The following NBR1 variants were observed in gnomAD, a reference collection of about 807,000 sequenced individuals.
NBR1 encodes the protein NBR1 autophagy cargo receptor, also known as next to BRCA1 gene 1 protein.
Under a neutral mutation model 115.5 loss-of-function variants are expected in NBR1, and 59 were observed. The observed-to-expected ratio is 0.51, with a 90% CI of 0.41 to 0.63. The LOEUF is 0.63. NBR1 is among the 30% of genes least tolerant of loss of function. The pLI, the probability that NBR1 is intolerant of heterozygous loss-of-function variation, is 0.00. For missense variants in NBR1, 1,043 were observed against 1,150.5 expected (o/e 0.91, Z 1.35); for synonymous variants, 373 against 414.7 (o/e 0.90, Z 1.22).
At chr17:43,204,698 C>A (rs2057278181) in intron 20 of NBR1, among the ~76,000 whole-genome samples, 1 of 151,328 alleles carries the variant, frequency 6.6e-6, no homozygotes, top group Non-Finnish European at 1.5e-5. Flanking sequence ...ACCTGTAGTC[C>A]CAGCTACTCG....
intron 3 of NBR1, among the ~76,000 whole-genome samples, chr17:43,179,059 C>T (rs191510165): frequency 2.0e-5 from 3 of 152,228 alleles, no homozygotes; most frequent in East Asian, 1.9e-4. Context: ...CTATTTTACT[C>T]ATGAGGAAAC....
intron 18 of NBR1, among the ~76,000 whole-genome samples, chr17:43,202,178 T>TG (rs1186318927): frequency 1.1e-4 from 3 of 27,620 alleles, no homozygotes; most frequent in East Asian, 2.1e-3. Flanking sequence ...AGACTCCGTC[T>TG]GAAAAAAAAA....
intron 6 of NBR1, among the ~76,000 whole-genome samples, chr17:43,188,479 C>T (rs1384390367): frequency 1.3e-5 from 2 of 152,176 alleles, no homozygotes; most frequent in Non-Finnish European, 2.9e-5. Context: ...ATCCCATTGT[C>T]AATTTTGGCT....
chr17:43,170,677 GA>G, upstream of NBR1: 1 of 152,400 alleles, frequency 6.6e-6, no homozygotes, highest in Non-Finnish European at 1.5e-5. Context: ...ATTGCGGAAC[GA>G]AAGGCCTTGG....
chr17:43,171,393 G>A (rs1194574844), intron 1 of NBR1, 91 bp downstream of exon 1: 4 of 152,508 alleles, frequency 2.6e-5, no homozygotes, highest in Non-Finnish European at 4.4e-5. Context: ...GCAAAGAAGA[G>A]GGGCGACTTT....
chr17:43,200,226 G>C lies in NBR1; in HGVS notation c.2086G>C (p.Ala696Pro). Residue 696 changes from alanine to proline, a missense_variant, in exon 17 of 21, where the codon GCT becomes CCT. By Grantham distance (27) the Ala-to-Pro change is conservative. Transcript: ENST00000590996. ...TGAGAAGGAGGAGATTATCCATATC[G>C]CTGAGGAAGAAGCTGTCATGGAGGA... ...GNEKEEIIHIAEEEAVMEEEE... is the reference protein window; with the variant it reads ...GNEKEEIIHIPEEEAVMEEEE... 6.4e-7 allele frequency: 1 copy of C among 1,551,820 alleles called. No individual in the cohort carries two copies. Among genetic ancestry groups the C allele is most frequent in the Non-Finnish European group, 8.7e-7 (1 of 1,147,002 alleles).
intron 14 of NBR1, 65 bp downstream of exon 14, chr17:43,195,104 A>G: frequency 4.8e-6 from 6 of 1,243,308 alleles, no homozygotes; most frequent in Non-Finnish European, 5.9e-6. Context: ...CACAGCCTAG[A>G]CACTGGTAGT....
chr17:43,209,080 TG>T (rs1210566680), intron 20 of NBR1, among the ~76,000 whole-genome samples: 1 of 151,636 alleles, frequency 6.6e-6, no homozygotes, highest in Non-Finnish European at 1.5e-5. Context: ...TACCTATTCT[TG>T]TTTTTTTTTT....
Position 43,193,613 on chromosome 17 carries a change from C to T in NBR1, c.1499C>T (p.Thr500Ile). ...IEKGMISSSK[T>I]DDLTCQQEET... is the part of the protein sequence containing the mutation. ...AAGGGCATGATCAGCTCAAGCAAAA[C>T]TGATGATCTCACCTGCCAGCAAGAG... The change falls in exon 12 of 21, where the codon ACT becomes ATT. Residue 500 changes from threonine to isoleucine, a missense_variant. Physicochemically the swap from Thr to Ile is moderately conservative, Grantham distance 89 (BLOSUM62 -1). Coordinates refer to ENST00000590996, the MANE Select transcript of NBR1 (RefSeq NM_005899.5). 1 of 1,610,044 alleles carries T rather than the reference C, an allele frequency of 6.2e-7. No individual in the cohort carries two copies. Among genetic ancestry groups the T allele is most frequent in the South Asian group, 1.1e-5 (1 of 90,166 alleles).
rs1209863786 is a variant in NBR1, at chr17:43,190,610, C to T, written c.697C>T (p.Leu233=). 1.9e-6 allele frequency: 3 copies of T among 1,575,484 alleles called. No homozygotes were observed. The highest frequency in any genetic ancestry group is 2.3e-5 in the South Asian group (2 of 86,438). Residue 233 remains leucine, a splice_region_variant and synonymous_variant, in exon 9 of 21, where the codon CTA becomes TTA. Coordinates refer to ENST00000590996, the MANE Select transcript of NBR1 (RefSeq NM_005899.5). ...RIVGVRYQCS[L]CPSYNICEDC... ...TATTGTGCCATTCTTTCCCCACAGC[C>T]TATGCCCATCCTACAATATCTGTGA...
intron 16 of NBR1, among the ~76,000 whole-genome samples, chr17:43,199,085 T>G (rs1198014857): frequency 1.4e-5 from 2 of 138,218 alleles, no homozygotes; most frequent in Admixed American, 1.5e-4. Context: ...GATTTATGGG[T>G]AATTTTTTTT....
At chr17:43,196,722 A>G in intron 15 of NBR1, 131 bp downstream of exon 15, 1 of 860,132 alleles carries the variant, frequency 1.2e-6, no homozygotes, top group Non-Finnish European at 1.8e-6. Flanking sequence ...TCATGTTTTG[A>G]AGTCTCCTCA....
At chr17:43,172,132 T>G (rs888713296) in intron 1 of NBR1, among the ~76,000 whole-genome samples, 35 of 152,188 alleles carry the variant, frequency 2.3e-4, no homozygotes, top group African/African-American at 8.4e-4. Flanking sequence ...CTTACAATAA[T>G]GCCAGTTATG....
Position 43,189,630 on chromosome 17 carries a change from C to G in NBR1, c.523C>G (p.Gln175Glu), listed in dbSNP as rs767914051. The G allele has an allele frequency of 5.0e-6, 8 of 1,613,818 alleles. 1 individual carries two copies. In the South Asian group the frequency reaches 8.8e-5, roughly 18 times the overall value. ...TAACGAAACGGTTGAGAAGCTTGAA[C>G]AGAAATTACATGAAAAGCTTGTCCT... ...VVNETVEKLE[Q>E]KLHEKLVLQN... The change falls in exon 8 of 21, where the codon CAG (glutamine) becomes GAG (glutamate). Residue 175 changes from glutamine (Q) to glutamate (E), a missense_variant. Physicochemically the swap from Gln to Glu is conservative, Grantham distance 29. Coordinates refer to ENST00000590996, the MANE Select transcript of NBR1 (RefSeq NM_005899.5).
At chr17:43,170,935 T>A (rs971457177), upstream of NBR1, 1 of 152,230 alleles carries the variant, frequency 6.6e-6, no homozygotes, top group Non-Finnish European at 1.5e-5. Context: ...GGGCAAGTAG[T>A]CCTCTAAGGT....
chr17:43,194,697 C>T (rs2057026881), intron 13 of NBR1, 198 bp downstream of exon 13: 1 of 667,616 alleles, frequency 1.5e-6, no homozygotes, highest in Non-Finnish European at 2.5e-6. Flanking sequence ...GGAACTCAAT[C>T]CTGTACTTCC....
Position 43,189,624 on chromosome 17 carries a change from C to G in NBR1, c.517C>G (p.Leu173Val). ...EQVVNETVEK[L>V]EQKLHEKLVL... Reference sequence around the variant, plus strand: ...AGTGGTTAACGAAACGGTTGAGAAGCTTGAACAGAAATTACATGAAAAGCT... The same window carrying G: ...AGTGGTTAACGAAACGGTTGAGAAGGTTGAACAGAAATTACATGAAAAGCT... Residue 173 changes from leucine to valine, a missense_variant, in exon 8 of 21, where the codon CTT (leucine) becomes GTT (valine). Leu to Val is a conservative substitution (Grantham distance 32, BLOSUM62 1). Transcript: ENST00000590996. 3.1e-6 allele frequency: 5 copies of G among 1,613,954 alleles called. No homozygotes were observed. In the South Asian group the frequency reaches 5.5e-5, roughly 18 times the overall value.
rs1459743855 is a variant in NBR1, at chr17:43,202,834, TC to T, written c.2621+124del. ...GAGAGCAGAGAAGGGGAGCCTTTGT[TC>T]CGTCTTATTCTTGTTTCTTCTAAAG... On this transcript the variant is annotated intron_variant, in intron 19 of 20. Coordinates refer to ENST00000590996, the MANE Select transcript of NBR1 (RefSeq NM_005899.5). 28 of 729,228 alleles carry T rather than the reference TC, an allele frequency of 3.8e-5. No homozygotes were observed. The East Asian group carries it at 7.1e-4, about 18-fold the overall frequency. The allele number at this position is 729,228 out of a possible 1,614,324, so 45.2% of individuals were successfully genotyped here. A position where few individuals can be genotyped will look rare whatever the true frequency, so the allele number is the denominator to read the frequency against.
intron 3 of NBR1, 142 bp downstream of exon 3, chr17:43,178,140 GA>G: frequency 9.6e-7 from 1 of 1,038,650 alleles, no homozygotes; most frequent in Non-Finnish European, 1.4e-6. Context: ...AATATTCTAA[GA>G]AGACTTGCAG....
Sources: gnomAD v4.1 joint callset for allele counts (sites outside exome capture counted in the v4.1 genomes callset) on GRCh38, gnomAD v4.1.1 for gene constraint, MANE v1.5 for transcripts, NCBI Gene and HGNC (gene_info 2026-07-23, HGNC 2026-07-21) for gene names.